Variants in KALRN observed in about 807,000 individuals in gnomAD.
KALRN encodes kalirin.
In KALRN, 70 loss-of-function variants were observed where a neutral mutation model predicts 353.7. The observed-to-expected ratio is 0.20, with a 90% CI of 0.16 to 0.24. KALRN has a LOEUF of 0.24. KALRN is among the 10% of genes least tolerant of loss of function. The pLI is 1.00. For synonymous variants in KALRN, 1,391 were observed against 1,434.8 expected, an observed-to-expected ratio of 0.97 and a Z score of 0.69; for missense variants, 2,791 against 3,756.7, an observed-to-expected ratio of 0.74 and a Z score of 6.72.
chr3:124,683,701 C>A (rs1332682076), intron 51 of KALRN, among the ~76,000 whole-genome samples: 1 of 152,222 alleles, frequency 6.6e-6, no homozygotes, highest in African/African-American at 2.4e-5. Context: ...CCACTGGCCT[C>A]ATCCACAACA....
intron 1 of KALRN, among the ~76,000 whole-genome samples, chr3:124,103,972 GA>G (rs369798302): frequency 2.0e-5 from 3 of 150,724 alleles, no homozygotes; most frequent in Non-Finnish European, 4.4e-5. Context: ...AAGAGAGAGA[GA>G]AAAAAAAAGA....
chr3:124,498,945 A>T (rs1013566888), intron 33 of KALRN, among the ~76,000 whole-genome samples: 2 of 151,878 alleles, frequency 1.3e-5, no homozygotes, highest in African/African-American at 4.8e-5. Context: ...CAGTCTCTGA[A>T]AAAAAGGAAA....
chr3:124,375,716 G>A (rs1305127275), intron 10 of KALRN, among the ~76,000 whole-genome samples: 1 of 152,140 alleles, frequency 6.6e-6, no homozygotes, highest in Non-Finnish European at 1.5e-5. Flanking sequence ...GTTATTGCAT[G>A]GATAAAATGT....
chr3:124,136,215 T>C (rs1466469854), intron 1 of KALRN, among the ~76,000 whole-genome samples: 2 of 152,166 alleles, frequency 1.3e-5, no homozygotes, highest in African/African-American at 2.4e-5. Flanking sequence ...ATTTTTTTTT[T>C]TATATCCCCA....
chr3:124,256,838 G>A (rs565664435), intron 3 of KALRN, among the ~76,000 whole-genome samples: 3 of 152,280 alleles, frequency 2.0e-5, no homozygotes, highest in Non-Finnish European at 2.9e-5. Flanking sequence ...CAGAAACCTC[G>A]CAGTGATTTC....
At chr3:124,327,760 C>T (rs912656154) in intron 7 of KALRN, among the ~76,000 whole-genome samples, 6 of 152,114 alleles carry the variant, frequency 3.9e-5, no homozygotes, top group African/African-American at 1.2e-4. Flanking sequence ...GTAATATAGG[C>T]CAAGGAGAGT....
At position 124,712,918 on chromosome 3, in the gene KALRN, C is replaced by A; in HGVS notation, c.8076-17C>A. ...TAATTAATGAATGTTGGCAAACTCTCCCTTTTGTTTTTCCAGAGGCCGTTT... is the reference window on the plus strand; with the variant it reads ...TAATTAATGAATGTTGGCAAACTCTACCTTTTGTTTTTCCAGAGGCCGTTT... On this transcript the variant is annotated splice_polypyrimidine_tract_variant and intron_variant, in intron 57 of 59. Coordinates refer to ENST00000682506, the MANE Select transcript of KALRN (RefSeq NM_001388419.1). 6.9e-6 allele frequency: 11 copies of A among 1,585,812 alleles called. No individual in the cohort carries two copies. Among genetic ancestry groups the A allele is most frequent in the Admixed American group, 3.4e-5 (2 of 58,772 alleles).
chr3:124,196,315 G>A (rs887070799), intron 1 of KALRN, among the ~76,000 whole-genome samples: 18 of 152,190 alleles, frequency 1.2e-4, no homozygotes, highest in African/African-American at 4.3e-4. Flanking sequence ...CTTCCCATGA[G>A]AAGTCTTACT....
chr3:124,460,501 G>A (rs751739441), intron 23 of KALRN, among the ~76,000 whole-genome samples: 4 of 152,178 alleles, frequency 2.6e-5, no homozygotes, highest in South Asian at 2.1e-4. Flanking sequence ...CTCAAAGGCC[G>A]TCAGTTTATG....
chr3:124,410,187 T>A (rs1201816404), intron 13 of KALRN: 1 of 532,096 alleles, frequency 1.9e-6, no homozygotes, highest in Admixed American at 1.9e-5. Context: ...CCCTCTGACG[T>A]GACTCTCTTC....
At chr3:124,148,862 C>T (rs2067713221) in intron 1 of KALRN, among the ~76,000 whole-genome samples, 1 of 152,108 alleles carries the variant, frequency 6.6e-6, no homozygotes, top group African/African-American at 2.4e-5. Context: ...AAGATAGAAA[C>T]TATTCCTTTC....
At chr3:124,107,723 A>G (rs554455722) in intron 1 of KALRN, among the ~76,000 whole-genome samples, 2 of 152,298 alleles carry the variant, frequency 1.3e-5, no homozygotes, top group African/African-American at 4.8e-5. Flanking sequence ...ACATAGCAGG[A>G]AGGGCAGCCA....
chr3:124,291,936 C>T (rs796446992), intron 5 of KALRN, among the ~76,000 whole-genome samples: 42 of 152,304 alleles, frequency 2.8e-4, no homozygotes, highest in African/African-American at 1.0e-3. Context: ...ATCCCAGCTG[C>T]CTCCCCCGTC....
At chr3:124,354,471 A>T (rs2083171016) in intron 10 of KALRN, among the ~76,000 whole-genome samples, 1 of 152,336 alleles carries the variant, frequency 6.6e-6, no homozygotes, top group Non-Finnish European at 1.5e-5. Flanking sequence ...TGATCTATAT[A>T]GAAAGATTTA....
chr3:124,278,801 G>T (rs1485354380), intron 5 of KALRN, among the ~76,000 whole-genome samples: 1 of 152,174 alleles, frequency 6.6e-6, no homozygotes, highest in African/African-American at 2.4e-5. Flanking sequence ...GCCCAAAACA[G>T]GACCCAAAGT....
At chr3:124,195,367 A>G (rs1486948816) in intron 1 of KALRN, among the ~76,000 whole-genome samples, 1 of 152,176 alleles carries the variant, frequency 6.6e-6, no homozygotes, top group Non-Finnish European at 1.5e-5. Context: ...TGTTGGAAGG[A>G]TCAAAGGATG....
rs13060032 is a variant in KALRN at position 124,109,861 on chromosome 3, T to C, written c.73+76048T>C. The stretch of plus-strand genomic sequence containing the variant: ...CATATATATCATACTTTGATATATA[T>C]ATGACATATATATCATACTTTGATA... On this transcript the variant is annotated intron_variant, in intron 1 of 59. Transcript: ENST00000682506. Among the ~76,000 whole-genome samples, 5 of 3,932 alleles carry C rather than the reference T, an allele frequency of 1.3e-3. 1 individual carries two copies. The highest frequency in any genetic ancestry group is 1.7e-3 in the Non-Finnish European group (2 of 1,146). 2.6% of individuals were successfully genotyped at this position (3,932 alleles called of 152,430 possible).
chr3:124,425,956 A>G (rs746756370), intron 15 of KALRN, among the ~76,000 whole-genome samples: 26 of 152,156 alleles, frequency 1.7e-4, no homozygotes, highest in Admixed American at 5.9e-4. Context: ...GGGTGGGAAG[A>G]TTCCTTATTT....
intron 1 of KALRN, among the ~76,000 whole-genome samples, chr3:124,109,423 A>C (rs1245036729): frequency 6.6e-6 from 1 of 152,016 alleles, no homozygotes; most frequent in Admixed American, 6.6e-5. Flanking sequence ...TTTTAGTGCT[A>C]AAATCCCTTC....
Sources: allele counts gnomAD v4.1 joint callset (sites outside exome capture counted in the v4.1 genomes callset), GRCh38; gene constraint gnomAD v4.1.1; transcripts MANE v1.5; gene names NCBI Gene and HGNC (gene_info 2026-07-23, HGNC 2026-07-21).